Variants in CLMP observed in about 807,000 individuals in gnomAD.
CLMP encodes CXADR like cell adhesion molecule.
In CLMP, 27 loss-of-function variants were observed where a neutral mutation model predicts 45.2. The ratio of observed to expected loss-of-function variants is 0.60; its 90% CI spans 0.44 to 0.82. CLMP has a LOEUF of 0.82. Ranked by LOEUF, CLMP falls within the 40% of genes least tolerant of loss-of-function variation. The pLI, the probability that CLMP is intolerant of heterozygous loss-of-function variation, is 0.00. For synonymous variants in CLMP, 167 were observed against 171.4 expected (o/e 0.97, Z 0.20); for missense variants, 403 against 448.4 (o/e 0.90, Z 0.91).
chr11:123,157,722 CAAAAA>C (rs869197042), intron 1 of CLMP, among the ~76,000 whole-genome samples: 3 of 71,188 alleles, frequency 4.2e-5, no homozygotes, highest in Non-Finnish European at 2.6e-5. Flanking sequence ...GAGTGAAACT[CAAAAA>C]AAAAAAAAAA....
At chr11:123,146,736 A>T (rs905849844) in intron 1 of CLMP, among the ~76,000 whole-genome samples, 4 of 151,508 alleles carry the variant, frequency 2.6e-5, no homozygotes, top group African/African-American at 9.7e-5. Flanking sequence ...TATCATTGTC[A>T]CCCCCAGACC....
Position 123,093,604 on chromosome 11 carries a change from G to T in CLMP, c.186+4191C>A, listed in dbSNP as rs189386089. ...CTCAAATGATCTGCCCACCCAAAGT[G>T]CTAGTATTATACTTTGGGCCTCCCA... On this transcript the variant is annotated intron_variant, in intron 2 of 6. Transcript: ENST00000448775. 3.9e-5 allele frequency among the ~76,000 whole-genome samples: 6 copies of T among 151,948 alleles called. No homozygotes were observed. In the East Asian group the frequency reaches 5.9e-4, roughly 15 times the overall value.
intron 1 of CLMP, among the ~76,000 whole-genome samples, chr11:123,128,287 A>T (rs1305251693): frequency 1.3e-5 from 2 of 151,952 alleles, no homozygotes; most frequent in African/African-American, 2.4e-5. Flanking sequence ...GGACTTCTTT[A>T]AAAAAACAAA....
intron 1 of CLMP, among the ~76,000 whole-genome samples, chr11:123,169,334 G>C (rs1021416555): frequency 1.3e-5 from 2 of 152,224 alleles, no homozygotes. Flanking sequence ...AGTCTTCTTT[G>C]TCTGCAAGGC....
chr11:123,190,171 TG>T (rs776261751), intron 1 of CLMP, among the ~76,000 whole-genome samples: 3 of 152,156 alleles, frequency 2.0e-5, no homozygotes, highest in South Asian at 2.1e-4. Context: ...ACTTCCTGGG[TG>T]GGGGGATCGG....
Position 123,083,192 on chromosome 11 carries a change from C to T in CLMP, c.572G>A (p.Gly191Glu). 6.2e-7 allele frequency: 1 copy of T among 1,614,028 alleles called. No individual in the cohort carries two copies. Among genetic ancestry groups the T allele is most frequent in the South Asian group, 1.1e-5 (1 of 91,078 alleles). ...PKSRIDYNHP[G>E]RVLLQNLTMS... ...GGTAAGATTCTGCAGCAGAACTCGT[C>T]CAGGGTGGTTGTAGTCTGCACAAGC... The change falls in exon 5 of 7, where the codon GGA becomes GAA. Residue 191 changes from glycine (G) to glutamate (E), a missense_variant. Gly to Glu is a moderately conservative substitution (Grantham distance 98). Coordinates refer to ENST00000448775, the MANE Select transcript of CLMP (RefSeq NM_024769.5).
rs147779848 is a variant in CLMP at position 123,083,149 on chromosome 11, C to T, written c.615G>A (p.Leu205=). Reference sequence around the variant, plus strand: ...CTTCGTTGCCTGCTGTGCACTGGTACAGTCCAGAGTAGGACATGGTAAGAT... The same window carrying T: ...CTTCGTTGCCTGCTGTGCACTGGTATAGTCCAGAGTAGGACATGGTAAGAT... ...LQNLTMSYSG[L]YQCTAGNEAG... Residue 205 remains leucine (L), a synonymous_variant, in exon 5 of 7, where the codon CTG becomes CTA. Coordinates refer to ENST00000448775, the MANE Select transcript of CLMP (RefSeq NM_024769.5). The T allele has an allele frequency of 1.9e-6, 3 of 1,614,060 alleles. No individual in the cohort carries two copies. The highest frequency in any genetic ancestry group is 3.3e-5 in the Admixed American group (2 of 60,006).
chr11:123,165,479 A>G (rs543482844), intron 1 of CLMP, among the ~76,000 whole-genome samples: 1 of 152,274 alleles, frequency 6.6e-6, no homozygotes, highest in South Asian at 2.1e-4. Context: ...GTTCCTGACC[A>G]TCCCTTCCCT....
chr11:123,136,239 C>G (rs534530539), intron 1 of CLMP: 1 of 651,598 alleles, frequency 1.5e-6, no homozygotes, highest in East Asian at 3.6e-5. Context: ...TGGGTAGCTA[C>G]TGCGTATTTT....
intron 5 of CLMP, among the ~76,000 whole-genome samples, chr11:123,081,195 AG>A (rs1865800531): frequency 6.6e-6 from 1 of 152,054 alleles, no homozygotes; most frequent in Non-Finnish European, 1.5e-5. Flanking sequence ...AAAAAAAAAC[AG>A]GGTGGGGGTT....
chr11:123,158,797 C>A (rs1861448203), intron 1 of CLMP, among the ~76,000 whole-genome samples: 1 of 152,174 alleles, frequency 6.6e-6, no homozygotes, highest in Non-Finnish European at 1.5e-5. Flanking sequence ...CCCCTGTGAG[C>A]CCCAGGTTGT....
At chr11:123,095,332 G>A (rs1865977136) in intron 2 of CLMP, among the ~76,000 whole-genome samples, 1 of 151,114 alleles carries the variant, frequency 6.6e-6, no homozygotes, top group Non-Finnish European at 1.5e-5. Flanking sequence ...TTGCTCTGTT[G>A]CCCAGGCTGG....
At chr11:123,090,269 C>A (rs1394064284) in intron 2 of CLMP, among the ~76,000 whole-genome samples, 1 of 146,264 alleles carries the variant, frequency 6.8e-6, no homozygotes, top group African/African-American at 2.6e-5. Context: ...CATTGCGAAA[C>A]CCCCATCTCC....
At chr11:123,107,639 T>C (rs1860580001) in intron 1 of CLMP, among the ~76,000 whole-genome samples, 1 of 151,500 alleles carries the variant, frequency 6.6e-6, no homozygotes, top group Admixed American at 6.6e-5. Context: ...CTGAAAGTGC[T>C]GGGATCACAG....
At position 123,100,628 on chromosome 11, in the gene CLMP, A is replaced by G. The variant is rs186834010; in HGVS notation, c.29-2676T>C. Among the ~76,000 whole-genome samples the G allele has an allele frequency of 7.6e-4, 116 of 152,062 alleles. 1 individual carries two copies. Among genetic ancestry groups the G allele is most frequent in the African/African-American group, 2.7e-3 (112 of 41,486 alleles). On this transcript the variant is annotated intron_variant, in intron 1 of 6. Transcript: ENST00000448775. ...CTGATGCTCACACAGCTCTGCAAAT[A>G]GTGTCCACCCTCAGTTGTTGTGTTA...
rs1445683497 is a variant in CLMP at position 123,143,372 on chromosome 11, A to G, written c.29-45420T>C. On this transcript the variant is annotated intron_variant, in intron 1 of 6. Transcript: ENST00000448775. ...ATATCTTCTGTCTTGCACATTTATGAGCTTTCAACCAATAGAATATGGCCA... is the reference window on the plus strand; with the variant it reads ...ATATCTTCTGTCTTGCACATTTATGGGCTTTCAACCAATAGAATATGGCCA... Among the ~76,000 whole-genome samples, 4 of 152,170 alleles carry G rather than the reference A, an allele frequency of 2.6e-5. No individual in the cohort carries two copies. In the South Asian group the frequency reaches 8.3e-4, roughly 32 times the overall value.
chr11:123,195,008 C>A lies in CLMP; in HGVS notation c.-68G>T. The stretch of plus-strand genomic sequence containing the variant: ...TGGCTCCGGGGCGGCCGGGCGCCTC[C>A]GACGGACCTCGGGCGAGCTGGGCGC... On this transcript the variant is annotated 5_prime_UTR_variant, in exon 1 of 7. Transcript: ENST00000448775. 1.8e-5 allele frequency: 27 copies of A among 1,531,284 alleles called. No homozygotes were observed. Among genetic ancestry groups the A allele is most frequent in the Non-Finnish European group, 2.2e-5 (25 of 1,129,052 alleles). 94.9% of individuals were successfully genotyped at this position (1,531,284 alleles called of 1,614,324 possible). A position where few individuals can be genotyped will look rare whatever the true frequency, so the allele number is the denominator to read the frequency against.
rs1161509664 is a variant in CLMP, at chr11:123,108,121, CT to C, written c.29-10170del. Among the ~76,000 whole-genome samples, 5 of 152,200 alleles carry C rather than the reference CT, an allele frequency of 3.3e-5. No individual in the cohort carries two copies. The South Asian group carries it at 8.3e-4, about 25-fold the overall frequency. On this transcript the variant is annotated intron_variant, in intron 1 of 6. Transcript: ENST00000448775. ...ACCTGTCCTCTCCGATCAGCTCCCC[CT>C]AGCCTCCCTTGTCACGAACTAGTGA...
At chr11:123,116,709 G>C (rs982303040) in intron 1 of CLMP, among the ~76,000 whole-genome samples, 1 of 152,160 alleles carries the variant, frequency 6.6e-6, no homozygotes, top group Non-Finnish European at 1.5e-5. Flanking sequence ...ACAACATCTC[G>C]TAAGAGTAGG....
Sources: allele counts gnomAD v4.1 joint callset (sites outside exome capture counted in the v4.1 genomes callset), GRCh38; gene constraint gnomAD v4.1.1; transcripts MANE v1.5; gene names NCBI Gene and HGNC (gene_info 2026-07-23, HGNC 2026-07-21).